CREBBP: variants seen among roughly 807,000 people sequenced by gnomAD.
The protein encoded by CREBBP is CREB-binding protein.
A neutral mutation model predicts 265.0 loss-of-function variants in CREBBP; 19 were observed. The observed-to-expected ratio is 0.07, with a 90% CI of 0.05 to 0.11. The LOEUF (loss-of-function observed/expected upper bound fraction) is 0.11. CREBBP is among the 10% of genes least tolerant of loss of function. The pLI, the probability that CREBBP is intolerant of heterozygous loss-of-function variation, is 1.00. For synonymous variants in CREBBP, 1,457 were observed against 1,223.7 expected, an observed-to-expected ratio of 1.19 and a Z score of -3.98; for missense variants, 2,525 against 3,219.0, an observed-to-expected ratio of 0.78 and a Z score of 5.22.
chr16:3,726,056 G>A lies in CREBBP; in HGVS notation c.*1662C>T, dbSNP rs928876553. ...ATGTGGCTAAGTGCAAGTATCCCCC[G>A]AAGTGGGGGACCTTTCTCACTGTAA... On this transcript the variant is annotated 3_prime_UTR_variant, in exon 31 of 31. Transcript: ENST00000262367. The A allele has an allele frequency of 2.6e-5, 6 of 233,194 alleles. No individual in the cohort carries two copies. The highest frequency in any genetic ancestry group is 1.7e-4 in the Admixed American group (3 of 17,784). The allele number at this position is 233,194 out of a possible 1,614,324, so 14.4% of individuals were successfully genotyped here.
chr16:3,871,032 A>G (rs1477410827), intron 1 of CREBBP, among the ~76,000 whole-genome samples: 1 of 151,308 alleles, frequency 6.6e-6, no homozygotes, highest in Non-Finnish European at 1.5e-5. Context: ...GGGAAGGGGA[A>G]GGAAGGAAAA....
At chr16:3,849,432 T>TGTGTGTGTGTGTGTGTG (rs2054754541) in intron 2 of CREBBP, among the ~76,000 whole-genome samples, 4 of 9,078 alleles carry the variant, frequency 4.4e-4, no homozygotes, top group Non-Finnish European at 3.2e-3. Flanking sequence ...TGTGTGTGTG[T>TGTGTGTGTGTGTGTGTG]GTGTGTGTGT....
intron 3 of CREBBP, among the ~76,000 whole-genome samples, chr16:3,797,195 G>A (rs750926992): frequency 6.6e-6 from 1 of 152,182 alleles, no homozygotes; most frequent in African/African-American, 2.4e-5. Context: ...AGCCATCGTG[G>A]TGGAAGCTGC....
chr16:3,876,056 A>C (rs1278730704), intron 1 of CREBBP, among the ~76,000 whole-genome samples: 11 of 152,138 alleles, frequency 7.2e-5, no homozygotes, highest in Admixed American at 7.2e-4. Flanking sequence ...TTTTTCCCCC[A>C]GAGACAGGGT....
At chr16:3,735,169 C>T (rs1445456990) in intron 28 of CREBBP, among the ~76,000 whole-genome samples, 1 of 152,182 alleles carries the variant, frequency 6.6e-6, no homozygotes, top group Admixed American at 6.5e-5. Flanking sequence ...GGGTCTGGCC[C>T]ACACGCCACC....
intron 16 of CREBBP, 148 bp downstream of exon 16, chr16:3,767,572 T>C: frequency 9.4e-7 from 1 of 1,062,440 alleles, no homozygotes; most frequent in Admixed American, 2.2e-5. Context: ...TGAGTGTTTC[T>C]GCAGGGGAAA....
chr16:3,726,451 A>C lies in CREBBP; in HGVS notation c.*1267T>G, dbSNP rs2051749042. 1 of 233,046 alleles carries C rather than the reference A, an allele frequency of 4.3e-6. No individual in the cohort carries two copies. Among genetic ancestry groups the C allele is most frequent in the African/African-American group, 2.2e-5 (1 of 45,242 alleles). The allele number at this position is 233,046 out of a possible 1,614,324, so 14.4% of individuals were successfully genotyped here. A position where few individuals can be genotyped will look rare whatever the true frequency, so the allele number is the denominator to read the frequency against. On this transcript the variant is annotated 3_prime_UTR_variant, in exon 31 of 31. Coordinates refer to ENST00000262367, the MANE Select transcript of CREBBP (RefSeq NM_004380.3). The stretch of plus-strand genomic sequence containing the variant: ...CGCCCACCTCAGTCTCCGGGAAGAA[A>C]AGCCTCCGGGCGGCCGCTAAGCCTG...
chr16:3,736,263 T>C, intron 27 of CREBBP, 60 bp from the exon 28 acceptor site: 1 of 1,551,486 alleles, frequency 6.4e-7, no homozygotes, highest in Non-Finnish European at 8.9e-7. Flanking sequence ...CCCACCATGG[T>C]GCGACAGACC....
intron 1 of CREBBP, among the ~76,000 whole-genome samples, chr16:3,867,318 CTGTCTCTACA>C (rs1039502893): frequency 6.6e-6 from 1 of 152,076 alleles, no homozygotes; most frequent in African/African-American, 2.4e-5. Flanking sequence ...TAGCAAGACC[CTGTCTCTACA>C]AAAATAATAA....
intron 9 of CREBBP, 49 bp downstream of exon 9, chr16:3,778,651 G>A (rs751620254): frequency 3.6e-6 from 5 of 1,371,416 alleles, no homozygotes; most frequent in African/African-American, 1.4e-5. Context: ...ATGTAGTGCT[G>A]TCTACTACAG....
Position 3,782,701 on chromosome 16 carries a change from C to T in CREBBP, c.1556G>A (p.Arg519Lys), listed in dbSNP as rs1324562194. The stretch of plus-strand genomic sequence containing the variant: ...TCACCTACCCAGGGGGTTGAGAGTC[C>T]TCATCTGCTGGTGGGTTTGAGGCTG... The part of the protein sequence containing the change: ...PAQPQTHQQM[R>K]TLNPLGNNPM... The change falls in exon 6 of 31, where the codon AGG (arginine) becomes AAG (lysine). Residue 519 changes from arginine (R) to lysine (K), a missense_variant. Transcript: ENST00000262367. 1.4e-5 allele frequency: 23 copies of T among 1,614,004 alleles called. No homozygotes were observed. The highest frequency in any genetic ancestry group is 1.7e-5 in the Non-Finnish European group (20 of 1,180,012).
At position 3,849,550 on chromosome 16, in the gene CREBBP, T is replaced by C. The variant is rs867319021; in HGVS notation, c.798+747A>G. 4.4e-3 allele frequency among the ~76,000 whole-genome samples: 369 copies of C among 84,106 alleles called. 2 individuals are homozygous for C. Among genetic ancestry groups the C allele is most frequent in the African/African-American group, 8.1e-3 (185 of 22,710 alleles). The allele number at this position is 84,106 out of a possible 152,430, so 55.2% of individuals were successfully genotyped here. The stretch of plus-strand genomic sequence containing the variant: ...CTTTTTTTTTTTTTTTTTTTTTTTT[T>C]CCAAGAGACAGGGTTTCGCCACATT... On this transcript the variant is annotated intron_variant, in intron 2 of 30. Transcript: ENST00000262367.
intron 2 of CREBBP, among the ~76,000 whole-genome samples, chr16:3,849,793 TG>T (rs2054788498): frequency 6.6e-6 from 1 of 152,078 alleles, no homozygotes; most frequent in Non-Finnish European, 1.5e-5. Flanking sequence ...GGACCCCACT[TG>T]AAGAACCACT....
intron 1 of CREBBP, among the ~76,000 whole-genome samples, chr16:3,873,892 T>C (rs1012184049): frequency 3.9e-5 from 6 of 152,104 alleles, no homozygotes; most frequent in Non-Finnish European, 8.8e-5. Context: ...AAGGGACAAA[T>C]ACTATATAAT....
intron 5 of CREBBP, among the ~76,000 whole-genome samples, chr16:3,785,309 G>A (rs750365130): frequency 1.8e-4 from 27 of 152,176 alleles, no homozygotes; most frequent in Admixed American, 6.5e-5. Flanking sequence ...ACTCACTCAC[G>A]TGACAGACTC....
chr16:3,839,800 G>C (rs968278405), intron 2 of CREBBP, among the ~76,000 whole-genome samples: 2 of 149,846 alleles, frequency 1.3e-5, no homozygotes, highest in Non-Finnish European at 3.0e-5. Context: ...AAAAGGAAAG[G>C]AATGGAAAAG....
chr16:3,750,946 A>G (rs1295504764), intron 20 of CREBBP, among the ~76,000 whole-genome samples: 1 of 152,186 alleles, frequency 6.6e-6, no homozygotes, highest in Non-Finnish European at 1.5e-5. Flanking sequence ...ATAACTGAAA[A>G]TTTACATGGT....
rs781732518 is a variant in CREBBP, at chr16:3,728,890, T to C, written c.6157A>G (p.Met2053Val). ...CTCCTGGGTGGCTGCACGCTGGGCA[T>C]CCGGGGCCCAGCCACGGCCGCCTGG... ...QAQAAVAGPR[M>V]PSVQPPRSIS... Residue 2053 changes from methionine to valine, a missense_variant, in exon 31 of 31, where the codon ATG (methionine) becomes GTG (valine). By Grantham distance (21) the Met-to-Val change is conservative. Around this residue, in one of 19 missense-constraint regions of CREBBP, gnomAD observed 275 missense variants for 276.5 expected, o/e 0.99. Transcript: ENST00000262367. This position sits in a 1 kb window ranked among gnomAD's most constrained non-coding sequence, Gnocchi z 8.7. The C allele has an allele frequency of 1.9e-5, 31 of 1,609,096 alleles. No individual in the cohort carries two copies. In the East Asian group the frequency reaches 6.9e-4, roughly 36 times the overall value.
At position 3,729,125 on chromosome 16, in the gene CREBBP, C is replaced by T. The variant is rs202099897; in HGVS notation, c.5922G>A (p.Arg1974=). 5.1e-5 allele frequency: 81 copies of T among 1,576,738 alleles called. No homozygotes were observed. The highest frequency in any genetic ancestry group is 3.6e-5 in the Non-Finnish European group (42 of 1,167,814). ...GGGGCATGCTGTTGTTGATGTTCAC[C>T]CGGTACAGGTGCTGCTGCTGCTGGG... is the stretch of plus-strand genomic sequence containing the variant. ...REAQQQQHLY[R]VNINNSMPPG... Residue 1974 remains arginine, a synonymous_variant, in exon 31 of 31, where the codon CGG becomes CGA. Transcript: ENST00000262367.
Sources: allele counts gnomAD v4.1 joint callset (sites outside exome capture counted in the v4.1 genomes callset), GRCh38; gene constraint gnomAD v4.1.1; regional missense constraint gnomAD v4.1.1; non-coding constraint Gnocchi (gnomAD v3.1); transcripts MANE v1.5; gene names NCBI Gene and HGNC (gene_info 2026-07-23, HGNC 2026-07-21).